Variants in MECOM observed in about 807,000 individuals in gnomAD.
MECOM encodes histone-lysine N-methyltransferase MECOM.
Under a neutral mutation model 116.3 loss-of-function variants are expected in MECOM, and 13 were observed. That is an observed-to-expected ratio of 0.11 (90% CI 0.07 to 0.18). The LOEUF (loss-of-function observed/expected upper bound fraction) is 0.18, where lower values mean the gene tolerates loss of function less well. MECOM is among the 10% of genes least tolerant of loss of function. The probability of loss-of-function intolerance (pLI) is 1.00; values close to 1 mark genes in which losing one functional copy is unlikely to be tolerated. For synonymous variants in MECOM, 528 were observed against 535.2 expected (o/e 0.99, Z 0.19); for missense variants, 1,299 against 1,509.0 (o/e 0.86, Z 2.31).
At chr3:169,418,854 T>C (rs901402034) in intron 1 of MECOM, among the ~76,000 whole-genome samples, 2 of 152,146 alleles carry the variant, frequency 1.3e-5, no homozygotes, top group Admixed American at 1.3e-4. Flanking sequence ...AGATATACTA[T>C]ATCACCACTC....
chr3:169,114,611 T>A (rs549025647), intron 8 of MECOM, among the ~76,000 whole-genome samples: 128 of 152,314 alleles, frequency 8.4e-4, no homozygotes, highest in African/African-American at 2.9e-3. Context: ...AATGAGAAAG[T>A]AAATGTGAAA....
intron 1 of MECOM, among the ~76,000 whole-genome samples, chr3:169,492,442 T>C (rs891258322): frequency 1.3e-5 from 2 of 152,192 alleles, no homozygotes; most frequent in Admixed American, 6.5e-5. Context: ...TTCTGGAATT[T>C]TTATCCTGAA....
At chr3:169,324,392 T>C (rs1239958872) in intron 2 of MECOM, among the ~76,000 whole-genome samples, 1 of 152,242 alleles carries the variant, frequency 6.6e-6, no homozygotes, top group Non-Finnish European at 1.5e-5. Flanking sequence ...GAAAATCATC[T>C]TCATGGCTGG....
rs1028967288 is a variant in MECOM, at chr3:169,146,879, T to A, written c.376-3047A>T. The A allele has an allele frequency of 1.6e-5, 16 of 1,026,066 alleles. No homozygotes were observed. The African/African-American group carries it at 2.6e-4, about 16-fold the overall frequency. 63.6% of individuals were successfully genotyped at this position (1,026,066 alleles called of 1,614,324 possible). On this transcript the variant is annotated intron_variant, in intron 2 of 16. Coordinates refer to ENST00000651503, the MANE Select transcript of MECOM (RefSeq NM_004991.4). ...TAGAGATGTTTAAAAATAATAATAA[T>A]AATTTTTTAAAAGCCTCGCGTCTCG...
intron 2 of MECOM, among the ~76,000 whole-genome samples, chr3:169,258,837 C>T (rs949938623): frequency 3.9e-5 from 6 of 152,156 alleles, no homozygotes; most frequent in Admixed American, 2.0e-4. Context: ...TTAATAATAT[C>T]GACTATTATC....
chr3:169,477,990 T>A (rs988627703), intron 1 of MECOM, among the ~76,000 whole-genome samples: 10 of 152,186 alleles, frequency 6.6e-5, no homozygotes, highest in African/African-American at 2.4e-4. Context: ...ACATATCCCC[T>A]CTTGCCAACA....
intron 1 of MECOM, among the ~76,000 whole-genome samples, chr3:169,577,105 G>A (rs545386163): frequency 6.6e-6 from 1 of 152,262 alleles, no homozygotes; most frequent in South Asian, 2.1e-4. Flanking sequence ...ATAAGCAAGT[G>A]AATTGACATC....
chr3:169,234,579 T>C (rs532865947), intron 2 of MECOM, among the ~76,000 whole-genome samples: 35 of 152,286 alleles, frequency 2.3e-4, no homozygotes, highest in African/African-American at 7.9e-4. Flanking sequence ...TCTGGTAAAC[T>C]TACTAAAGAG....
At position 169,121,151 on chromosome 3, in the gene MECOM, C is replaced by T. The variant is rs1162779068; in HGVS notation, c.1037G>A (p.Arg346Gln). 5.6e-6 allele frequency: 9 copies of T among 1,613,358 alleles called. No individual in the cohort carries two copies. Among genetic ancestry groups the T allele is most frequent in the Non-Finnish European group, 7.6e-6 (9 of 1,179,718 alleles). The change falls in exon 7 of 17, where the codon CGG becomes CAG. Residue 346 changes from arginine to glutamine, a missense_variant. Around this residue, in one of 6 missense-constraint regions of MECOM, gnomAD observed 374 missense variants for 433.4 expected, o/e 0.86. Transcript: ENST00000651503. Reference protein sequence around the residue: ...RHIRSQHVGARAHACPECGKT... With the variant: ...RHIRSQHVGAQAHACPECGKT... ...GCCACACTCCGGGCATGCATGGGCC[C>T]GGGCACCGACATGCTGAGAGCGAAT... is the stretch of plus-strand genomic sequence containing the variant.
intron 2 of MECOM, among the ~76,000 whole-genome samples, chr3:169,304,582 T>G (rs1407254858): frequency 1.3e-5 from 2 of 152,182 alleles, no homozygotes; most frequent in African/African-American, 2.4e-5. Flanking sequence ...AAATAAGTAT[T>G]ACTGAGCTAC....
intron 2 of MECOM, among the ~76,000 whole-genome samples, chr3:169,246,850 C>T (rs904624334): frequency 6.6e-6 from 1 of 152,242 alleles, no homozygotes; most frequent in Admixed American, 6.5e-5. Context: ...TACCTCTCCT[C>T]TCATGTATTT....
At chr3:169,536,124 C>T (rs1576764458) in intron 1 of MECOM, among the ~76,000 whole-genome samples, 1 of 152,124 alleles carries the variant, frequency 6.6e-6, no homozygotes, top group Admixed American at 6.5e-5. Flanking sequence ...TTGTTCTGTG[C>T]CTTGCCTTGT....
intron 2 of MECOM, among the ~76,000 whole-genome samples, chr3:169,200,895 C>G (rs371162624): frequency 1.3e-5 from 2 of 152,074 alleles, no homozygotes; most frequent in Non-Finnish European, 1.5e-5. Context: ...TATGTGATAA[C>G]TCTTCATCCC....
intron 1 of MECOM, among the ~76,000 whole-genome samples, chr3:169,389,402 T>C (rs1471904770): frequency 2.0e-5 from 3 of 152,248 alleles, no homozygotes; most frequent in Non-Finnish European, 2.9e-5. Flanking sequence ...GCTTATTCTG[T>C]TGTTAAGGAG....
chr3:169,599,370 TG>T (rs1767546926), intron 1 of MECOM, among the ~76,000 whole-genome samples: 1 of 151,836 alleles, frequency 6.6e-6, no homozygotes, highest in African/African-American at 2.4e-5. Flanking sequence ...AAAAATCAGC[TG>T]GGCGTGGTGG....
intron 2 of MECOM, among the ~76,000 whole-genome samples, chr3:169,224,010 T>C (rs11717696): frequency 0.1 from 15,604 of 152,230 alleles, 911 homozygotes; most frequent in Non-Finnish European, 0.13. Flanking sequence ...CAGAATTTTT[T>C]TCTGAGCCAC....
At chr3:169,109,002 T>C (rs1286718570) in intron 9 of MECOM, among the ~76,000 whole-genome samples, 1 of 152,046 alleles carries the variant, frequency 6.6e-6, no homozygotes, top group Non-Finnish European at 1.5e-5. Flanking sequence ...TATAGTAAAA[T>C]CAAACCAAGG....
intron 1 of MECOM, among the ~76,000 whole-genome samples, chr3:169,651,769 A>G (rs2110084903): frequency 6.6e-6 from 1 of 152,276 alleles, no homozygotes; most frequent in East Asian, 1.9e-4. Context: ...CTAGTACCCC[A>G]GTAACCTACG....
intron 1 of MECOM, among the ~76,000 whole-genome samples, chr3:169,528,876 T>C (rs1454510399): frequency 1.3e-5 from 2 of 152,248 alleles, no homozygotes; most frequent in African/African-American, 2.4e-5. Context: ...GGGAATTCTA[T>C]GGCTTTCTCT....
Sources: allele counts gnomAD v4.1 joint callset (sites outside exome capture counted in the v4.1 genomes callset), GRCh38; gene constraint gnomAD v4.1.1; regional missense constraint gnomAD v4.1.1; transcripts MANE v1.5; gene names NCBI Gene and HGNC (gene_info 2026-07-23, HGNC 2026-07-21).